The following MADD variants were observed in gnomAD, a reference collection of about 807,000 sequenced individuals.
The protein encoded by MADD is MAP kinase-activating death domain protein.
A neutral mutation model predicts 176.7 loss-of-function variants in MADD; 109 were observed. The ratio of observed to expected loss-of-function variants is 0.62; its 90% confidence interval spans 0.53 to 0.72. The LOEUF is 0.72. Among genes scored for constraint, MADD ranks in the 30% least tolerant of loss-of-function variants. MADD has a pLI of 0.00. For synonymous variants in MADD, 771 were observed against 771.3 expected (o/e 1.00, Z 0.01); for missense variants, 1,914 against 2,045.5 (o/e 0.94, Z 1.24).
intron 31 of MADD, chr11:47,328,112 A>T: frequency 1.0e-6 from 1 of 1,001,368 alleles, no homozygotes; most frequent in Non-Finnish European, 1.2e-6. Flanking sequence ...GGACACTGCC[A>T]CATCCTGTGG....
chr11:47,281,755 T>A lies in MADD; in HGVS notation c.1469+2T>A. 1.9e-6 allele frequency: 3 copies of A among 1,592,552 alleles called. No homozygotes were observed. The highest frequency in any genetic ancestry group is 2.6e-6 in the Non-Finnish European group (3 of 1,164,340). On this transcript the variant is annotated splice_donor_variant, in intron 8 of 32. Transcript: ENST00000402192. LOFTEE classifies it high-confidence loss of function. The stretch of plus-strand genomic sequence containing the variant: ...GGATTCTGTGGATGTTGCAACCAGG[T>A]AAGACCAAGCCGACTGTATAATCAC...
intron 27 of MADD, among the ~76,000 whole-genome samples, chr11:47,319,748 T>C (rs529235251): frequency 1.2e-4 from 19 of 152,280 alleles, no homozygotes; most frequent in African/African-American, 4.3e-4. Context: ...CCCAGCACAT[T>C]GGGAGGCCGA....
rs554079157 is a variant in MADD at position 47,293,843 on chromosome 11, G to A, written c.3302-40G>A. The A allele has an allele frequency of 1.4e-4, 193 of 1,346,858 alleles. 3 individuals carry two copies. In the South Asian group the frequency reaches 2.2e-3, roughly 15 times the overall value. The allele number at this position is 1,346,858 out of a possible 1,614,324, so 83.4% of individuals were successfully genotyped here. ...CACCCCCTTTACCAGCCTGCCCCTAGCCTTTGTGCACGGAGTAACAGAAGT... is the reference window on the plus strand; with the variant it reads ...CACCCCCTTTACCAGCCTGCCCCTAACCTTTGTGCACGGAGTAACAGAAGT... On this transcript the variant is annotated intron_variant, in intron 19 of 32. Transcript: ENST00000402192.
intron 1 of MADD, among the ~76,000 whole-genome samples, chr11:47,271,615 C>G (rs1460127971): frequency 6.6e-6 from 1 of 152,096 alleles, no homozygotes; most frequent in Non-Finnish European, 1.5e-5. Context: ...GGAGAGGGCT[C>G]CGGGTTTTCA....
chr11:47,297,856 T>G (rs1170201718), intron 22 of MADD, among the ~76,000 whole-genome samples: 1 of 149,444 alleles, frequency 6.7e-6, no homozygotes, highest in African/African-American at 2.5e-5. Context: ...TGGCGCGATC[T>G]CTGCTCACTG....
chr11:47,303,391 C>T (rs1041240478), intron 22 of MADD, among the ~76,000 whole-genome samples: 3 of 151,862 alleles, frequency 2.0e-5, no homozygotes, highest in African/African-American at 7.3e-5. Context: ...GTGCCTGCTA[C>T]CATGCCTGGC....
intron 31 of MADD, 24 bp downstream of exon 35, chr11:47,326,831 G>A (rs1462728566): frequency 6.2e-7 from 1 of 1,613,724 alleles, no homozygotes; most frequent in Non-Finnish European, 8.5e-7. Context: ...TTTGCTCTTA[G>A]GTCTGGACTC....
At chr11:47,282,841 C>T (rs1273445656) in exon 10 of MADD, 2 of 1,614,134 alleles carry the variant, frequency 1.2e-6, no homozygotes, top group Non-Finnish European at 1.7e-6. Flanking sequence ...TGATTGGTGA[C>T]AAGCCAAAGT....
chr11:47,305,611 T>C (rs2082029512), intron 22 of MADD, among the ~76,000 whole-genome samples: 1 of 152,030 alleles, frequency 6.6e-6, no homozygotes, highest in South Asian at 2.1e-4. Context: ...ATGGTGGGGC[T>C]TGGCTGTATC....
intron 15 of MADD, 127 bp downstream of exon 16, chr11:47,289,154 G>T (rs1178585864): frequency 2.0e-6 from 2 of 1,011,888 alleles, no homozygotes; most frequent in Admixed American, 2.4e-5. Context: ...CCCGTCCCCC[G>T]TGACGCCCAT....
intron 19 of MADD, among the ~76,000 whole-genome samples, chr11:47,291,314 G>T (rs2065087477): frequency 6.6e-6 from 1 of 152,160 alleles, no homozygotes; most frequent in South Asian, 2.1e-4. Flanking sequence ...TTGAGGTATA[G>T]GTTTCCAAGT....
chr11:47,309,154 A>G (rs751441416), intron 23 of MADD, 112 bp downstream of exon 26: 11 of 1,551,934 alleles, frequency 7.1e-6, no homozygotes, highest in Non-Finnish European at 9.7e-6. Context: ...GGGTAGAAAG[A>G]TTGTGTTTCC....
intron 2 of MADD, among the ~76,000 whole-genome samples, 163 bp downstream of exon 2, chr11:47,274,139 T>C (rs547593175): frequency 6.6e-6 from 1 of 152,258 alleles, no homozygotes; most frequent in East Asian, 1.9e-4. Flanking sequence ...CAAAATCAGG[T>C]GGATTGAAAG....
intron 27 of MADD, among the ~76,000 whole-genome samples, chr11:47,322,566 T>A (rs988458225): frequency 6.6e-6 from 1 of 152,094 alleles, no homozygotes; most frequent in Non-Finnish European, 1.5e-5. Context: ...GAGACGGGAT[T>A]GCGCCACTGC....
At chr11:47,303,715 C>T (rs899958620) in intron 22 of MADD, among the ~76,000 whole-genome samples, 13 of 151,496 alleles carry the variant, frequency 8.6e-5, no homozygotes, top group African/African-American at 2.9e-4. Flanking sequence ...AAGCTTTTCT[C>T]CTGCCTCAGC....
intron 22 of MADD, among the ~76,000 whole-genome samples, chr11:47,301,519 CATT>C (rs1420451949): frequency 9.9e-5 from 15 of 152,164 alleles, no homozygotes; most frequent in Non-Finnish European, 1.5e-5. Context: ...TGAGCTGCAT[CATT>C]AAGTTGATTT....
intron 1 of MADD, 93 bp downstream of exon 1, chr11:47,270,339 AAG>A (rs1959177201): frequency 6.7e-6 from 1 of 148,412 alleles, no homozygotes; most frequent in African/African-American, 2.5e-5. Flanking sequence ...CTCTTGGAGG[AAG>A]GGGTCTCTCA....
At position 47,325,019 on chromosome 11, in the gene MADD, C is replaced by T. The variant is rs2095259966; in HGVS notation, c.4542+442C>T. 1 of 520,808 alleles carries T rather than the reference C, an allele frequency of 1.9e-6. No individual in the cohort carries two copies. Among genetic ancestry groups the T allele is most frequent in the African/African-American group, 1.9e-5 (1 of 52,236 alleles). The allele number at this position is 520,808 out of a possible 1,614,324, so 32.3% of individuals were successfully genotyped here. On this transcript the variant is annotated intron_variant, in intron 30 of 32. Coordinates refer to ENST00000402192, the Ensembl canonical transcript of MADD. The surrounding 1 kb of genome is among the most constrained non-coding windows in gnomAD (Gnocchi z 4.5). ...AGCTTGCGTGTGCGTGCGTGCGTGC[C>T]TGCGTGCTTGTGTGTAAGTAGCTTG...
At chr11:47,289,621 A>T in intron 16 of MADD, 128 bp downstream of exon 17, 1 of 863,172 alleles carries the variant, frequency 1.2e-6, no homozygotes, top group South Asian at 1.6e-5. Flanking sequence ...ATTTCTTGCC[A>T]GCACTTCTCA....
Sources: allele counts gnomAD v4.1 joint callset (sites outside exome capture counted in the v4.1 genomes callset), GRCh38; gene constraint gnomAD v4.1.1; non-coding constraint Gnocchi (gnomAD v3.1); transcripts MANE v1.5; gene names NCBI Gene and HGNC (gene_info 2026-07-23, HGNC 2026-07-21).